ZNF304: variants seen among roughly 807,000 people sequenced by gnomAD.
The protein encoded by ZNF304 is KRAB-containing zinc finger protein.
ZNF304 carries 7 observed loss-of-function variants against 7.8 expected under a neutral mutation model. The observed-to-expected ratio is 0.90, with a 90% CI of 0.51 to 1.69. The LOEUF (loss-of-function observed/expected upper bound fraction) is 1.69. Among genes scored for constraint, ZNF304 ranks in the 40% most tolerant of loss-of-function variants. The pLI is 0.00. For missense variants in ZNF304, 669 were observed against 804.8 expected, an observed-to-expected ratio of 0.83 and a Z score of 2.04; for synonymous variants, 280 against 272.4, an observed-to-expected ratio of 1.03 and a Z score of -0.27.
chr19:57,355,360 G>A (rs988805308), intron 2 of ZNF304: 3 of 765,242 alleles, frequency 3.9e-6, no homozygotes, highest in African/African-American at 1.7e-5. Flanking sequence ...TGCAGCCACA[G>A]TAAAGGAGAC....
intron 2 of ZNF304, among the ~76,000 whole-genome samples, chr19:57,354,486 C>T (rs1378155615): frequency 6.6e-6 from 1 of 152,192 alleles, no homozygotes; most frequent in African/African-American, 2.4e-5. Context: ...GGCTGTTGGC[C>T]AAAGTCCTCC....
chr19:57,354,815 G>A (rs1190843315), intron 2 of ZNF304, among the ~76,000 whole-genome samples: 2 of 152,036 alleles, frequency 1.3e-5, no homozygotes, highest in Non-Finnish European at 2.9e-5. Context: ...TTCCCCATGG[G>A]CCACTCTTTC....
In ZNF304 at chr19:57,356,345, C is replaced by G. The variant is rs1314188309; in HGVS notation, c.476C>G (p.Thr159Arg). The change falls in exon 3 of 3, where the codon ACA (threonine) becomes AGA (arginine). Residue 159 changes from threonine to arginine, a missense_variant. Thr to Arg is a moderately conservative substitution (Grantham distance 71, BLOSUM62 -1). Coordinates refer to ENST00000282286, the MANE Select transcript of ZNF304 (RefSeq NM_020657.4). ...GGGGCCTCATTTGTGAAGAGCTGTACAGTCCACATGTTAGGGAGATCCTTT... is the reference window on the plus strand; with the variant it reads ...GGGGCCTCATTTGTGAAGAGCTGTAGAGTCCACATGTTAGGGAGATCCTTT... The part of the protein sequence containing the change: ...DGGASFVKSC[T>R]VHMLGRSFTC... The G allele has an allele frequency of 6.2e-7, 1 of 1,614,050 alleles. No individual in the cohort carries two copies. Among genetic ancestry groups the G allele is most frequent in the African/African-American group, 1.3e-5 (1 of 74,920 alleles).
chr19:57,356,587 G>A lies in ZNF304; in HGVS notation c.718G>A (p.Asp240Asn). ...CTTCCTGGACACCTTTACTCTTCTT[G>A]ACAGCCAGATGACTCATGCTGAGGT... ...KAFLDTFTLL[D>N]SQMTHAEVRP... The change falls in exon 3 of 3, where the codon GAC becomes AAC. Residue 240 changes from aspartate (D) to asparagine (N), a missense_variant. Asp to Asn is a conservative substitution (Grantham distance 23, BLOSUM62 1). Coordinates refer to ENST00000282286, the MANE Select transcript of ZNF304 (RefSeq NM_020657.4). The A allele has an allele frequency of 8.1e-6, 13 of 1,614,174 alleles. No homozygotes were observed. The highest frequency in any genetic ancestry group is 1.1e-5 in the Non-Finnish European group (13 of 1,180,042).
Position 57,357,868 on chromosome 19 carries a change from A to T in ZNF304, c.*19A>T. On this transcript the variant is annotated 3_prime_UTR_variant, in exon 3 of 3. Transcript: ENST00000282286. ...TGTTTAACACCAGAAAATTCACACAAGAGAAAGGCCTTATGAATGCAGAAA... is the reference window on the plus strand; with the variant it reads ...TGTTTAACACCAGAAAATTCACACATGAGAAAGGCCTTATGAATGCAGAAA... The T allele has an allele frequency of 1.9e-6, 3 of 1,573,286 alleles. No homozygotes were observed. The South Asian group carries it at 3.6e-5, about 19-fold the overall frequency.
Position 57,355,888 on chromosome 19 carries a change from G to A in ZNF304, c.161-142G>A. On this transcript the variant is annotated intron_variant, in intron 2 of 2. Coordinates refer to ENST00000282286, the MANE Select transcript of ZNF304 (RefSeq NM_020657.4). ...CTGTGAGGCCCTATACTGACAACCA[G>A]CCCTTCTTTACACTGATCCTGGCCC... is the stretch of plus-strand genomic sequence containing the variant. 9 of 929,426 alleles carry A rather than the reference G, an allele frequency of 9.7e-6. 1 individual carries two copies. The Admixed American group carries it at 1.9e-4, about 19-fold the overall frequency. 57.6% of individuals were successfully genotyped at this position (929,426 alleles called of 1,614,324 possible).
intron 2 of ZNF304, chr19:57,355,332 T>C: frequency 1.3e-6 from 1 of 765,322 alleles, no homozygotes; most frequent in Non-Finnish European, 2.4e-6. Flanking sequence ...CTTGGGTGCC[T>C]GACAGGGCAG....
At chr19:57,354,338 T>C (rs1173038988) in intron 2 of ZNF304, among the ~76,000 whole-genome samples, 1 of 152,186 alleles carries the variant, frequency 6.6e-6, no homozygotes, top group East Asian at 1.9e-4. Flanking sequence ...TGCTTTTGGC[T>C]CTCATGAAGT....
In ZNF304 at chr19:57,359,423, G is replaced by A. The variant is rs1299205322; in HGVS notation, c.*1574G>A. On this transcript the variant is annotated 3_prime_UTR_variant, in exon 3 of 3. Coordinates refer to ENST00000282286, the MANE Select transcript of ZNF304 (RefSeq NM_020657.4). ...TGGAACAGTATATATAGATTTTAAT[G>A]AGGAACATTTATTTAATAGCTTTAT... 5 of 152,216 alleles carry A rather than the reference G, an allele frequency of 3.3e-5. No homozygotes were observed. The highest frequency in any genetic ancestry group is 1.2e-4 in the African/African-American group (5 of 41,438). The allele number at this position is 152,216 out of a possible 1,614,324, so 9.4% of individuals were successfully genotyped here.
rs1208487568 is a variant in ZNF304 at position 57,356,028 on chromosome 19, A to T, written c.161-2A>T. On this transcript the variant is annotated splice_acceptor_variant, in intron 2 of 2. Coordinates refer to ENST00000282286, the MANE Select transcript of ZNF304 (RefSeq NM_020657.4). LOFTEE classifies it high-confidence loss of function. ...ACTTCACCAGCTCTTTTTTGCTTTC[A>T]GGTTTTTGGTGTGAAGCAGAACATG... 1 of 1,586,062 alleles carries T rather than the reference A, an allele frequency of 6.3e-7. No homozygotes were observed. Among genetic ancestry groups the T allele is most frequent in the Non-Finnish European group, 8.6e-7 (1 of 1,165,420 alleles).
In ZNF304 at chr19:57,357,278, C is replaced by G; in HGVS notation, c.1409C>G (p.Thr470Ser). The change falls in exon 3 of 3, where the codon ACT becomes AGT. Residue 470 changes from threonine to serine, a missense_variant. By Grantham distance (58) the Thr-to-Ser change is moderately conservative (BLOSUM62 1). Coordinates refer to ENST00000282286, the MANE Select transcript of ZNF304 (RefSeq NM_020657.4). The part of the protein sequence containing the change: ...DTLVQHQIIH[T>S]GARPYECSEC... Reference sequence around the variant, plus strand: ...CTTGTTCAGCACCAGATAATTCACACTGGAGCAAGGCCTTATGAGTGCAGT... The same window carrying G: ...CTTGTTCAGCACCAGATAATTCACAGTGGAGCAAGGCCTTATGAGTGCAGT... The G allele has an allele frequency of 3.1e-6, 5 of 1,614,218 alleles. No homozygotes were observed. The highest frequency in any genetic ancestry group is 4.2e-6 in the Non-Finnish European group (5 of 1,180,046).
Position 57,351,373 on chromosome 19 carries a change from A to G in ZNF304, c.-292A>G. 2.1e-6 allele frequency: 1 copy of G among 474,224 alleles called. No individual in the cohort carries two copies. Among genetic ancestry groups the G allele is most frequent in the Non-Finnish European group, 3.8e-6 (1 of 265,864 alleles). The allele number at this position is 474,224 out of a possible 1,614,324, so 29.4% of individuals were successfully genotyped here. A position where few individuals can be genotyped will look rare whatever the true frequency, so the allele number is the denominator to read the frequency against. On this transcript the variant is annotated 5_prime_UTR_variant, in exon 1 of 3. Coordinates refer to ENST00000282286, the MANE Select transcript of ZNF304 (RefSeq NM_020657.4). This position sits in a 1 kb window ranked among gnomAD's most constrained non-coding sequence, Gnocchi z 4.1. ...CTCTCGTGGAACCTAGCAAAGAAAG[A>G]CAGTGAAGACTGCAGGACCTTCCTT...
chr19:57,356,662 G>A lies in ZNF304; in HGVS notation c.793G>A (p.Ala265Thr). 3 of 1,614,230 alleles carry A rather than the reference G, an allele frequency of 1.9e-6. No homozygotes were observed. The highest frequency in any genetic ancestry group is 2.5e-6 in the Non-Finnish European group (3 of 1,180,046). Residue 265 changes from alanine to threonine, a missense_variant, in exon 3 of 3, where the codon GCT (alanine) becomes ACT (threonine). Physicochemically the swap from Ala to Thr is moderately conservative, Grantham distance 58. Coordinates refer to ENST00000282286, the MANE Select transcript of ZNF304 (RefSeq NM_020657.4). Reference sequence around the variant, plus strand: ...TGGAAATGTGTTCAAGGAGAAATCAGCTCTTATTAATCACAGAAAAATCCA... The same window carrying A: ...TGGAAATGTGTTCAAGGAGAAATCAACTCTTATTAATCACAGAAAAATCCA... The part of the protein sequence containing the change: ...PCGNVFKEKS[A>T]LINHRKIHSG...
chr19:57,354,244 G>T (rs1385588225), intron 2 of ZNF304, among the ~76,000 whole-genome samples: 1 of 152,128 alleles, frequency 6.6e-6, no homozygotes. Context: ...GACCTCAAGC[G>T]ATCCTTCCTC....
intron 2 of ZNF304, 73 bp from the exon 3 acceptor site, chr19:57,355,957 C>A: frequency 6.6e-7 from 1 of 1,514,806 alleles, no homozygotes; most frequent in Non-Finnish European, 8.9e-7. Flanking sequence ...TGGTGTTAGA[C>A]ACACATTTGT....
Position 57,357,244 on chromosome 19 carries a change from A to G in ZNF304, c.1375A>G (p.Lys459Glu). ...CAAATGTGGGAAGGCCTTTGGCTGC[A>G]AAGACACACTTGTTCAGCACCAGAT... Reference protein sequence around the residue: ...CSKCGKAFGCKDTLVQHQIIH... With the variant: ...CSKCGKAFGCEDTLVQHQIIH... The change falls in exon 3 of 3, where the codon AAA becomes GAA. Residue 459 changes from lysine (K) to glutamate (E), a missense_variant. Coordinates refer to ENST00000282286, the MANE Select transcript of ZNF304 (RefSeq NM_020657.4). 6.2e-7 allele frequency: 1 copy of G among 1,614,154 alleles called. No homozygotes were observed. Among genetic ancestry groups the G allele is most frequent in the Non-Finnish European group, 8.5e-7 (1 of 1,180,032 alleles).
Position 57,353,732 on chromosome 19 carries a change from TG to T in ZNF304, c.42del (p.Thr15ProfsTer28). Reference protein sequence around the residue: ...AVLMDRVQSCVTFEDVFVYFS... With the variant: ...AVLMDRVQSCXTFEDVFVYFS... ...CTGTACTTATCATGGCAGAGTTGTGTGACCTTCGAGGATGTGTTCGTGTACT... is the reference window on the plus strand; with the variant it reads ...CTGTACTTATCATGGCAGAGTTGTGTACCTTCGAGGATGTGTTCGTGTACT... On this transcript the variant is annotated frameshift_variant, in exon 2 of 3. Coordinates refer to ENST00000282286, the MANE Select transcript of ZNF304 (RefSeq NM_020657.4). LOFTEE classifies it high-confidence loss of function. The T allele has an allele frequency of 6.2e-7, 1 of 1,610,312 alleles. No homozygotes were observed. The highest frequency in any genetic ancestry group is 8.5e-7 in the Non-Finnish European group (1 of 1,178,154).
At position 57,355,227 on chromosome 19, in the gene ZNF304, T is replaced by C. The variant is rs762206478; in HGVS notation, c.161-803T>C. 3.9e-6 allele frequency: 3 copies of C among 762,670 alleles called. No homozygotes were observed. The Admixed American group carries it at 5.1e-5, about 13-fold the overall frequency. The allele number at this position is 762,670 out of a possible 1,614,324, so 47.2% of individuals were successfully genotyped here. ...TAAACATTCTATTTTCTCTGTGGAG[T>C]GGGTCTACCTGCGCCACTCACCTGC... On this transcript the variant is annotated intron_variant, in intron 2 of 2. Coordinates refer to ENST00000282286, the MANE Select transcript of ZNF304 (RefSeq NM_020657.4).
At position 57,357,449 on chromosome 19, in the gene ZNF304, G is replaced by A. The variant is rs1246825687; in HGVS notation, c.1580G>A (p.Gly527Glu). Reference protein sequence around the residue: ...NLIVHQRIHTGAKPYECNECG... With the variant: ...NLIVHQRIHTEAKPYECNECG... ...ATTGTACACCAGAGAATTCACACTG[G>A]AGCAAAGCCTTATGAGTGCAATGAA... Residue 527 changes from glycine (G) to glutamate (E), a missense_variant, in exon 3 of 3, where the codon GGA becomes GAA. Physicochemically the swap from Gly to Glu is moderately conservative, Grantham distance 98. Transcript: ENST00000282286. The A allele has an allele frequency of 3.1e-6, 5 of 1,614,032 alleles. No homozygotes were observed. Among genetic ancestry groups the A allele is most frequent in the African/African-American group, 1.3e-5 (1 of 74,908 alleles).
Sources: allele counts gnomAD v4.1 joint callset (sites outside exome capture counted in the v4.1 genomes callset), GRCh38; gene constraint gnomAD v4.1.1; non-coding constraint Gnocchi (gnomAD v3.1); transcripts MANE v1.5; gene names NCBI Gene and HGNC (gene_info 2026-07-23, HGNC 2026-07-21).